GRID2: variants seen among roughly 807,000 people sequenced by gnomAD.
GRID2 encodes the protein glutamate receptor ionotropic, delta-2.
A neutral mutation model predicts 114.8 loss-of-function variants in GRID2; 33 were observed. The ratio of observed to expected loss-of-function variants is 0.29; its 90% confidence interval spans 0.22 to 0.38. The LOEUF (loss-of-function observed/expected upper bound fraction) is 0.38, where lower values mean the gene tolerates loss of function less well. GRID2 is among the 10% of genes least tolerant of loss of function. GRID2 has a pLI of 1.00. For missense variants in GRID2, 1,184 were observed against 1,257.7 expected (o/e 0.94, Z 0.89); for synonymous variants, 505 against 449.9 (o/e 1.12, Z -1.55).
chr4:92,954,117 C>G (rs985414411), intron 2 of GRID2, among the ~76,000 whole-genome samples: 1 of 151,922 alleles, frequency 6.6e-6, no homozygotes, highest in African/African-American at 2.4e-5. Flanking sequence ...ATGCACAGCA[C>G]AAGGTCGAAA....
chr4:93,784,619 A>G (rs1734554710), intron 1 of GRID2, among the ~76,000 whole-genome samples: 1 of 147,046 alleles, frequency 6.8e-6, no homozygotes, highest in Non-Finnish European at 1.5e-5. Flanking sequence ...CAACAATTGT[A>G]TTTTATATTT....
At chr4:93,031,399 G>A (rs1263978498) in intron 2 of GRID2, among the ~76,000 whole-genome samples, 2 of 152,072 alleles carry the variant, frequency 1.3e-5, no homozygotes, top group African/African-American at 2.4e-5. Context: ...TAGAACTTCA[G>A]CTGTCAATAA....
intron 2 of GRID2, among the ~76,000 whole-genome samples, chr4:93,031,387 T>A (rs1724423781): frequency 6.6e-6 from 1 of 152,136 alleles, no homozygotes. Context: ...ATCCACAATC[T>A]TTAGAACTTC....
chr4:93,056,748 A>G (rs1376181769), intron 2 of GRID2, among the ~76,000 whole-genome samples: 4 of 151,928 alleles, frequency 2.6e-5, no homozygotes, highest in Admixed American at 1.3e-4. Context: ...TCTAAGGCCA[A>G]ATACAGTGAC....
chr4:93,220,279 A>T (rs1744725507), intron 6 of GRID2, among the ~76,000 whole-genome samples: 2 of 151,794 alleles, frequency 1.3e-5, no homozygotes, highest in African/African-American at 4.8e-5. Flanking sequence ...GAATGTCATA[A>T]ATCTATGTGT....
At position 92,511,748 on chromosome 4, in the gene GRID2, A is replaced by G. The variant is rs1433297711; in HGVS notation, c.89-78383A>G. ...CAAGCAAATCAATGAAAGTTTTGCTATAAAAATTAAGTGGAGCTGAAGGAG... is the reference window on the plus strand; with the variant it reads ...CAAGCAAATCAATGAAAGTTTTGCTGTAAAAATTAAGTGGAGCTGAAGGAG... On this transcript the variant is annotated intron_variant, in intron 1 of 15. Transcript: ENST00000282020. Among the ~76,000 whole-genome samples the G allele has an allele frequency of 2.0e-5, 3 of 152,022 alleles. No homozygotes were observed. In the East Asian group the frequency reaches 5.9e-4, roughly 30 times the overall value.
chr4:92,316,239 A>G (rs1725973037), intron 1 of GRID2, among the ~76,000 whole-genome samples: 1 of 152,038 alleles, frequency 6.6e-6, no homozygotes, highest in Non-Finnish European at 1.5e-5. Context: ...AGATATACCA[A>G]CAACTCTCAG....
At chr4:93,310,346 T>A (rs1755881092) in intron 8 of GRID2, among the ~76,000 whole-genome samples, 1 of 151,866 alleles carries the variant, frequency 6.6e-6, no homozygotes, top group Non-Finnish European at 1.5e-5. Context: ...ATGGTAAAAC[T>A]CTGTCTCTAC....
At chr4:93,520,838 G>A (rs979969633) in intron 13 of GRID2, among the ~76,000 whole-genome samples, 1 of 152,172 alleles carries the variant, frequency 6.6e-6, no homozygotes, top group Non-Finnish European at 1.5e-5. Flanking sequence ...ACTCTGAGAT[G>A]AGAAACCAGT....
chr4:92,970,724 T>G (rs1753454014), intron 2 of GRID2, among the ~76,000 whole-genome samples: 1 of 151,972 alleles, frequency 6.6e-6, no homozygotes, highest in African/African-American at 2.4e-5. Context: ...TAAAGCTAAC[T>G]GATAGAATTA....
intron 13 of GRID2, among the ~76,000 whole-genome samples, chr4:93,615,126 A>G (rs951067660): frequency 1.3e-5 from 2 of 152,252 alleles, no homozygotes; most frequent in African/African-American, 2.4e-5. Flanking sequence ...ATTTGACTAT[A>G]AAATGAGAGT....
intron 13 of GRID2, among the ~76,000 whole-genome samples, chr4:93,551,579 G>A (rs1201910204): frequency 1.3e-5 from 2 of 152,162 alleles, no homozygotes; most frequent in African/African-American, 4.8e-5. Context: ...TGTTTCATAG[G>A]TAATGGAAAG....
chr4:93,116,429 A>G (rs1044105917), intron 4 of GRID2, among the ~76,000 whole-genome samples: 1 of 152,226 alleles, frequency 6.6e-6, no homozygotes, highest in South Asian at 2.1e-4. Context: ...ACAACAAAGT[A>G]TTAAGATATG....
chr4:92,907,688 G>T (rs1748060760), intron 2 of GRID2, among the ~76,000 whole-genome samples: 1 of 152,036 alleles, frequency 6.6e-6, no homozygotes, highest in South Asian at 2.1e-4. Flanking sequence ...GGGAATACAG[G>T]CATGAGCCCC....
intron 1 of GRID2, among the ~76,000 whole-genome samples, chr4:92,451,525 T>G (rs531244264): frequency 1.3e-5 from 2 of 152,160 alleles, no homozygotes; most frequent in African/African-American, 2.4e-5. Flanking sequence ...TACAATCACT[T>G]CCCACATTTT....
chr4:92,862,143 C>G (rs920244288), intron 2 of GRID2, among the ~76,000 whole-genome samples: 3 of 151,958 alleles, frequency 2.0e-5, no homozygotes, highest in Non-Finnish European at 2.9e-5. Flanking sequence ...ATATTTAAAA[C>G]CTCTCGACAA....
At chr4:92,944,023 C>G (rs563128773) in intron 2 of GRID2, among the ~76,000 whole-genome samples, 1 of 152,184 alleles carries the variant, frequency 6.6e-6, no homozygotes, top group Non-Finnish European at 1.5e-5. Context: ...TTAGGCTACT[C>G]AGGGGTCAGG....
intron 1 of GRID2, among the ~76,000 whole-genome samples, chr4:92,474,346 G>T (rs1722190811): frequency 6.6e-6 from 1 of 151,928 alleles, no homozygotes; most frequent in Admixed American, 6.6e-5. Context: ...CAAATGGCAA[G>T]ATTTACTTAT....
chr4:92,766,293 C>T (rs1191197922), intron 2 of GRID2, among the ~76,000 whole-genome samples: 1 of 152,026 alleles, frequency 6.6e-6, no homozygotes, highest in Non-Finnish European at 1.5e-5. Flanking sequence ...AATTCCAGCA[C>T]TTTGGGAGGC....
Sources: gnomAD v4.1 joint callset for allele counts (sites outside exome capture counted in the v4.1 genomes callset) on GRCh38, gnomAD v4.1.1 for gene constraint, MANE v1.5 for transcripts, NCBI Gene and HGNC (gene_info 2026-07-23, HGNC 2026-07-21) for gene names.